The following XYLT1 variants were observed in gnomAD, a reference collection of about 807,000 sequenced individuals.
XYLT1 encodes the protein beta-D-xylosyltransferase 1.
XYLT1 carries 36 observed loss-of-function variants against 91.3 expected under a neutral mutation model. The observed-to-expected ratio is 0.39, with a 90% CI of 0.30 to 0.52. The LOEUF (loss-of-function observed/expected upper bound fraction) is 0.52. Among genes scored for constraint, XYLT1 ranks in the 20% least tolerant of loss-of-function variants. The pLI, the probability that XYLT1 is intolerant of heterozygous loss-of-function variation, is 0.68. For missense variants in XYLT1, 1,242 were observed against 1,284.5 expected (o/e 0.97, Z 0.51); for synonymous variants, 588 against 532.0 (o/e 1.11, Z -1.45).
intron 10 of XYLT1, 36 bp downstream of exon 10, chr16:17,127,630 A>C: frequency 6.3e-7 from 1 of 1,595,586 alleles, no homozygotes; most frequent in Non-Finnish European, 8.5e-7. Flanking sequence ...GGGAAATGCA[A>C]AATACAATGA....
At chr16:17,118,955 C>T (rs9939273) in intron 10 of XYLT1, among the ~76,000 whole-genome samples, 101,151 of 151,988 alleles carry the variant, frequency 0.67, 34,309 homozygotes, top group Non-Finnish European at 0.72. Context: ...CTCACAGAGT[C>T]TTTATCTGAC....
chr16:17,233,497 A>G (rs978211491), intron 3 of XYLT1, among the ~76,000 whole-genome samples: 1 of 152,232 alleles, frequency 6.6e-6, no homozygotes. Flanking sequence ...GGCTCTGCGC[A>G]TACTAAGCGG....
At position 17,121,760 on chromosome 16, in the gene XYLT1, G is replaced by T. The variant is rs545756023; in HGVS notation, c.2224-3781C>A. ...CCCTCCCCTATATCCCCCAACCCTT[G>T]CCCATGAGTCCCCAAACTCACTGTA... On this transcript the variant is annotated intron_variant, in intron 10 of 11. Transcript: ENST00000261381. 1.1e-4 allele frequency among the ~76,000 whole-genome samples: 16 copies of T among 151,684 alleles called. No individual in the cohort carries two copies. The East Asian group carries it at 2.9e-3, about 28-fold the overall frequency.
chr16:17,362,406 T>C (rs2035397163), intron 1 of XYLT1, among the ~76,000 whole-genome samples: 3 of 152,220 alleles, frequency 2.0e-5, no homozygotes, highest in African/African-American at 7.2e-5. Flanking sequence ...TCCGATTCAG[T>C]AGCTAGCTCT....
intron 3 of XYLT1, among the ~76,000 whole-genome samples, chr16:17,205,418 C>T (rs184353692): frequency 1.6e-3 from 238 of 152,334 alleles, no homozygotes; most frequent in African/African-American, 5.5e-3. Context: ...GGGTTTAGAA[C>T]ATGACCTGTG....
intron 1 of XYLT1, among the ~76,000 whole-genome samples, chr16:17,461,022 G>A (rs1353056853): frequency 1.3e-5 from 2 of 152,156 alleles, no homozygotes; most frequent in Non-Finnish European, 2.9e-5. Flanking sequence ...GAGCTCCAGA[G>A]AGGCAAAGTG....
chr16:17,230,587 T>C (rs1052840772), intron 3 of XYLT1, among the ~76,000 whole-genome samples: 6 of 152,216 alleles, frequency 3.9e-5, no homozygotes, highest in African/African-American at 4.8e-5. Context: ...ATTCTCCGTT[T>C]TTCTTCCAGA....
intron 2 of XYLT1, among the ~76,000 whole-genome samples, chr16:17,287,426 C>A (rs906516629): frequency 1.3e-5 from 2 of 152,178 alleles, no homozygotes; most frequent in African/African-American, 2.4e-5. Flanking sequence ...AAACTCTGGG[C>A]TCACAGAAGG....
At chr16:17,397,595 G>A (rs1017794305) in intron 1 of XYLT1, among the ~76,000 whole-genome samples, 3 of 151,934 alleles carry the variant, frequency 2.0e-5, no homozygotes, top group African/African-American at 7.3e-5. Flanking sequence ...GCTATCAAAG[G>A]CCTCTCACAC....
intron 3 of XYLT1, chr16:17,251,459 C>G (rs1326637019): frequency 6.6e-6 from 1 of 152,260 alleles, no homozygotes; most frequent in African/African-American, 2.4e-5. Flanking sequence ...AATTCTTCAC[C>G]TGGATGTCTA....
chr16:17,252,141 T>C (rs534337356), intron 3 of XYLT1, among the ~76,000 whole-genome samples: 4 of 152,264 alleles, frequency 2.6e-5, no homozygotes, highest in African/African-American at 9.6e-5. Context: ...AAAAAAGTCA[T>C]TGTGGTAATA....
intron 3 of XYLT1, chr16:17,250,164 C>G (rs1318369317): frequency 6.6e-6 from 1 of 152,234 alleles, no homozygotes; most frequent in Non-Finnish European, 1.5e-5. Context: ...CAATTGATTT[C>G]CAGAACCAAT....
intron 2 of XYLT1, among the ~76,000 whole-genome samples, chr16:17,308,996 TA>T (rs796464150): frequency 8.9e-4 from 125 of 140,830 alleles, no homozygotes; most frequent in African/African-American, 1.5e-3. Flanking sequence ...AAAATAAAAA[TA>T]AAAAAAAAAG....
chr16:17,215,172 A>G (rs2032832160), intron 3 of XYLT1, among the ~76,000 whole-genome samples: 1 of 152,160 alleles, frequency 6.6e-6, no homozygotes, highest in Admixed American at 6.5e-5. Flanking sequence ...CCTGGCCAAT[A>G]TGGTAAAAAC....
chr16:17,190,516 T>C (rs2032286919), intron 5 of XYLT1, among the ~76,000 whole-genome samples: 1 of 144,144 alleles, frequency 6.9e-6, no homozygotes, highest in Non-Finnish European at 1.5e-5. Context: ...CATTGTTCAG[T>C]TCCCACCTAT....
At chr16:17,440,723 TA>T (rs1037945514) in intron 1 of XYLT1, among the ~76,000 whole-genome samples, 2 of 152,214 alleles carry the variant, frequency 1.3e-5, no homozygotes, top group Non-Finnish European at 2.9e-5. Flanking sequence ...GTTGCCTAAA[TA>T]AAATATAAGC....
intron 6 of XYLT1, among the ~76,000 whole-genome samples, chr16:17,152,857 G>A (rs2031313524): frequency 6.6e-6 from 1 of 152,164 alleles, no homozygotes; most frequent in Non-Finnish European, 1.5e-5. Flanking sequence ...CTCTTACTAT[G>A]CTTTGCCTTA....
At chr16:17,269,001 C>G (rs562038122) in intron 2 of XYLT1, among the ~76,000 whole-genome samples, 1 of 152,100 alleles carries the variant, frequency 6.6e-6, no homozygotes. Flanking sequence ...GAGAGAGGAA[C>G]CCAGGCCCCT....
intron 10 of XYLT1, among the ~76,000 whole-genome samples, chr16:17,126,226 A>G (rs1368636489): frequency 1.3e-5 from 2 of 152,234 alleles, no homozygotes; most frequent in Non-Finnish European, 2.9e-5. Context: ...AGCACTAGCC[A>G]TGGAGCGGCC....
Sources: gnomAD v4.1 joint callset for allele counts (sites outside exome capture counted in the v4.1 genomes callset) on GRCh38, gnomAD v4.1.1 for gene constraint, MANE v1.5 for transcripts, NCBI Gene and HGNC (gene_info 2026-07-23, HGNC 2026-07-21) for gene names.